The following RIMBP2 variants were observed in gnomAD, a reference collection of about 807,000 sequenced individuals.
The protein encoded by RIMBP2 is RIMS binding protein 2.
Under a neutral mutation model 118.6 loss-of-function variants are expected in RIMBP2, and 48 were observed. The observed-to-expected ratio is 0.40, with a 90% CI of 0.32 to 0.51. The LOEUF (loss-of-function observed/expected upper bound fraction) is 0.51, where lower values mean the gene tolerates loss of function less well. RIMBP2 is among the 20% of genes least tolerant of loss of function. The pLI, the probability that RIMBP2 is intolerant of heterozygous loss-of-function variation, is 0.41. For synonymous variants in RIMBP2, 762 were observed against 742.9 expected (o/e 1.03, Z -0.42); for missense variants, 1,551 against 1,768.3 (o/e 0.88, Z 2.20).
At chr12:130,661,839 A>G (rs1345359131) in intron 1 of RIMBP2, among the ~76,000 whole-genome samples, 2 of 152,144 alleles carry the variant, frequency 1.3e-5, no homozygotes, top group African/African-American at 4.8e-5. Flanking sequence ...TAGCCCCTTC[A>G]TGAGTATGCA....
chr12:130,476,827 G>T (rs2081471274), intron 5 of RIMBP2, among the ~76,000 whole-genome samples: 3 of 152,188 alleles, frequency 2.0e-5, no homozygotes, highest in Admixed American at 6.5e-5. Context: ...CCCACTCGCA[G>T]CTGTGTTCCT....
chr12:130,440,882 G>A (rs1435687590), intron 11 of RIMBP2, among the ~76,000 whole-genome samples: 2 of 152,122 alleles, frequency 1.3e-5, no homozygotes, highest in Non-Finnish European at 2.9e-5. Flanking sequence ...GGAGGCTTCC[G>A]GAGGTGGGGG....
chr12:130,556,627 G>A lies in RIMBP2; in HGVS notation c.-216-38710C>T, dbSNP rs1293468606. ...GGCCAGGGGAGCTGGAGCCTTGCAGGGAGGTGCAGCTGCTGGAAACACCCC... is the reference window on the plus strand; with the variant it reads ...GGCCAGGGGAGCTGGAGCCTTGCAGAGAGGTGCAGCTGCTGGAAACACCCC... On this transcript the variant is annotated intron_variant, in intron 2 of 22. Coordinates refer to ENST00000690449, the MANE Select transcript of RIMBP2 (RefSeq NM_001393629.1). 3.9e-5 allele frequency among the ~76,000 whole-genome samples: 6 copies of A among 152,372 alleles called. No homozygotes were observed. In the South Asian group the frequency reaches 1.2e-3, roughly 32 times the overall value.
At chr12:130,567,382 CT>C (rs1213463241) in intron 2 of RIMBP2, among the ~76,000 whole-genome samples, 3 of 152,198 alleles carry the variant, frequency 2.0e-5, no homozygotes, top group Non-Finnish European at 2.9e-5. Flanking sequence ...TGCATATGTT[CT>C]GAAAAATGCG....
At chr12:130,480,324 G>A (rs1033040709) in intron 4 of RIMBP2, among the ~76,000 whole-genome samples, 4 of 151,880 alleles carry the variant, frequency 2.6e-5, no homozygotes, top group South Asian at 2.1e-4. Flanking sequence ...AGTTGGCCAC[G>A]CATGCCTCCA....
chr12:130,564,631 G>A lies in RIMBP2; in HGVS notation c.-216-46714C>T, dbSNP rs77614991. 1.4e-4 allele frequency among the ~76,000 whole-genome samples: 21 copies of A among 152,240 alleles called. 1 individual carries two copies. The East Asian group carries it at 2.5e-3, about 18-fold the overall frequency. On this transcript the variant is annotated intron_variant, in intron 2 of 22. Transcript: ENST00000690449. ...CGTGGATAGACCTCAAAGACATTAC[G>A]CTAAGTGAAATAAGCCAGTTGCAGA...
chr12:130,692,777 G>T (rs2065371924), intron 1 of RIMBP2, among the ~76,000 whole-genome samples: 1 of 148,930 alleles, frequency 6.7e-6, no homozygotes, highest in Non-Finnish European at 1.5e-5. Context: ...ACATGGAATG[G>T]GTGGAATGGA....
At chr12:130,645,505 C>A (rs1353540891) in intron 1 of RIMBP2, among the ~76,000 whole-genome samples, 1 of 152,234 alleles carries the variant, frequency 6.6e-6, no homozygotes, top group Non-Finnish European at 1.5e-5. Context: ...CCTTCCACCC[C>A]TACAGTCAGG....
intron 4 of RIMBP2, among the ~76,000 whole-genome samples, chr12:130,482,975 C>A (rs1194165502): frequency 1.1e-5 from 1 of 91,996 alleles, no homozygotes; most frequent in African/African-American, 4.5e-5. Flanking sequence ...GGGCAGACCT[C>A]ATCCAATTAC....
intron 2 of RIMBP2, among the ~76,000 whole-genome samples, chr12:130,545,392 T>A: frequency 6.9e-6 from 1 of 144,572 alleles, no homozygotes; most frequent in East Asian, 2.1e-4. Flanking sequence ...CAAAAAAATG[T>A]AAAATAAGGT....
chr12:130,587,611 T>C (rs1393243987), intron 2 of RIMBP2, among the ~76,000 whole-genome samples: 6 of 88,520 alleles, frequency 6.8e-5, no homozygotes, highest in Non-Finnish European at 1.3e-4. Context: ...TTCTCACTCA[T>C]AGGTGGGAAT....
intron 2 of RIMBP2, among the ~76,000 whole-genome samples, chr12:130,573,340 T>A (rs2057831523): frequency 6.6e-6 from 1 of 152,098 alleles, no homozygotes; most frequent in South Asian, 2.1e-4. Flanking sequence ...TCAATATTTT[T>A]AAATGTTCTT....
chr12:130,605,031 T>C (rs913246723), intron 2 of RIMBP2, among the ~76,000 whole-genome samples: 10 of 151,946 alleles, frequency 6.6e-5, no homozygotes, highest in Admixed American at 1.3e-4. Flanking sequence ...CCAGGAGCAA[T>C]GGGCTCCACC....
Position 130,566,182 on chromosome 12 carries a change from C to T in RIMBP2, c.-216-48265G>A, listed in dbSNP as rs1054577867. Among the ~76,000 whole-genome samples, 718 of 152,162 alleles carry T rather than the reference C, an allele frequency of 4.7e-3. 2 individuals are homozygous for T. The highest frequency in any genetic ancestry group is 0.017 in the African/African-American group (697 of 41,528). ...GCCAATTTATACACACATGCACACA[C>T]ACACACACACACACACACTCACTCA... On this transcript the variant is annotated intron_variant, in intron 2 of 22. Transcript: ENST00000690449.
chr12:130,662,783 C>A (rs1327459124), intron 1 of RIMBP2, among the ~76,000 whole-genome samples: 1 of 152,028 alleles, frequency 6.6e-6, no homozygotes, highest in Non-Finnish European at 1.5e-5. Flanking sequence ...TAGCAAGACC[C>A]CATCTCTACC....
rs1362118569 is a variant in RIMBP2 at position 130,525,008 on chromosome 12, G to A, written c.-216-7091C>T. ...TGCTCAGGGGACAGGTCCCCACATG[G>A]CCCAGAGCTCAGGAAGGAGAGCCTG... is the stretch of plus-strand genomic sequence containing the variant. On this transcript the variant is annotated intron_variant, in intron 2 of 22. Transcript: ENST00000690449. The surrounding 1 kb of genome is among the most constrained non-coding windows in gnomAD (Gnocchi z 4.4). 6.6e-6 allele frequency among the ~76,000 whole-genome samples: 1 copy of A among 152,172 alleles called. No homozygotes were observed. The highest frequency in any genetic ancestry group is 1.5e-5 in the Non-Finnish European group (1 of 68,036).
At position 130,469,482 on chromosome 12, in the gene RIMBP2, G is replaced by T. The variant is rs1471153341; in HGVS notation, c.153+1211C>A. ...AAGTGCGGTGGATAACTCAGGCCAG[G>T]GAAAGTGAATTATTTTCCAGGGAGA... On this transcript the variant is annotated intron_variant, in intron 6 of 22. Transcript: ENST00000690449. The surrounding 1 kb of genome is among the most constrained non-coding windows in gnomAD (Gnocchi z 4.8). 6.6e-6 allele frequency among the ~76,000 whole-genome samples: 1 copy of T among 152,148 alleles called. No homozygotes were observed. The highest frequency in any genetic ancestry group is 2.4e-5 in the African/African-American group (1 of 41,422).
chr12:130,402,396 G>A (rs949817882), intron 21 of RIMBP2, among the ~76,000 whole-genome samples: 50 of 152,084 alleles, frequency 3.3e-4, no homozygotes, highest in Admixed American at 3.2e-3. Context: ...CAGAACGCTG[G>A]ATAAGATCAT....
At chr12:130,499,615 A>G (rs1421661121) in intron 4 of RIMBP2, among the ~76,000 whole-genome samples, 4 of 152,104 alleles carry the variant, frequency 2.6e-5, no homozygotes, top group African/African-American at 9.7e-5. Flanking sequence ...CACACTTCTC[A>G]GACACAGCAG....
Sources: gnomAD v4.1 joint callset for allele counts (sites outside exome capture counted in the v4.1 genomes callset) on GRCh38, gnomAD v4.1.1 for gene constraint, Gnocchi (gnomAD v3.1) non-coding constraint, MANE v1.5 for transcripts, NCBI Gene and HGNC (gene_info 2026-07-23, HGNC 2026-07-21) for gene names.